RPGRIP1: variants seen among roughly 807,000 people sequenced by gnomAD.
The protein encoded by RPGRIP1 is RPGR interacting protein 1.
A neutral mutation model predicts 157.9 loss-of-function variants in RPGRIP1; 128 were observed. The observed-to-expected ratio is 0.81, with a 90% CI of 0.70 to 0.94. The LOEUF is 0.94. Among genes scored for constraint, RPGRIP1 ranks in the 40% least tolerant of loss-of-function variants. The probability of loss-of-function intolerance (pLI) is 0.00; values close to 1 mark genes in which losing one functional copy is unlikely to be tolerated. For synonymous variants in RPGRIP1, 554 were observed against 571.6 expected (o/e 0.97, Z 0.44); for missense variants, 1,486 against 1,545.8 (o/e 0.96, Z 0.65).
chr14:21,348,095 G>T lies in RPGRIP1; in HGVS notation c.3618-77G>T. 2.5e-6 allele frequency: 3 copies of T among 1,201,090 alleles called. No homozygotes were observed. In the South Asian group the frequency reaches 5.2e-5, roughly 21 times the overall value. The allele number at this position is 1,201,090 out of a possible 1,614,324, so 74.4% of individuals were successfully genotyped here. On this transcript the variant is annotated intron_variant, in intron 23 of 24. Transcript: ENST00000400017. ...TCAGAGAAGACGTTGTATTGTTTAT[G>T]ATTACTTTTATCCTTATTTTATTTT...
At chr14:21,317,908 A>T (rs556733822) in intron 11 of RPGRIP1, 58 bp downstream of exon 11, 1 of 1,440,786 alleles carries the variant, frequency 6.9e-7, no homozygotes, top group East Asian at 2.4e-5. Flanking sequence ...CTGGTTTGGG[A>T]GAAGATAACT....
At chr14:21,325,810 C>T in intron 16 of RPGRIP1, 21 bp from the exon 17 acceptor site, 7 of 1,585,092 alleles carry the variant, frequency 4.4e-6, no homozygotes, top group Middle Eastern at 3.4e-4. Context: ...TTTCCTCAAT[C>T]CATGACCAAC....
intron 10 of RPGRIP1, among the ~76,000 whole-genome samples, chr14:21,313,316 A>C: frequency 6.6e-6 from 1 of 150,556 alleles, no homozygotes; most frequent in East Asian, 1.9e-4. Flanking sequence ...TGTCTGGGCA[A>C]TATAGTGAGA....
At chr14:21,292,256 G>A (rs944095678) in intron 2 of RPGRIP1, among the ~76,000 whole-genome samples, 6 of 151,688 alleles carry the variant, frequency 4.0e-5, no homozygotes, top group Non-Finnish European at 8.8e-5. Flanking sequence ...TTTCTTCCTA[G>A]TGACCTTACC....
intron 16 of RPGRIP1, 36 bp downstream of exon 16, chr14:21,325,419 G>T (rs771965355): frequency 3.2e-6 from 5 of 1,548,546 alleles, no homozygotes; most frequent in Middle Eastern, 1.8e-4. Flanking sequence ...TCTCAGAGGA[G>T]CCTCAGCCAA....
Position 21,307,805 on chromosome 14 carries a change from T to C in RPGRIP1, c.875T>C (p.Met292Thr). ...LLHERNASLV[M>T]TKAQLTEVQE... is the part of the protein sequence containing the mutation. ...CATGAAAGAAATGCTTCATTGGTTA[T>C]GACAAAAGCACAATTAACAGAAGTT... Residue 292 changes from methionine to threonine, a missense_variant, in exon 7 of 25, where the codon ATG (methionine) becomes ACG (threonine). Transcript: ENST00000400017. The C allele has an allele frequency of 1.3e-6, 2 of 1,566,082 alleles. No homozygotes were observed. The highest frequency in any genetic ancestry group is 1.7e-6 in the Non-Finnish European group (2 of 1,155,630).
Position 21,324,705 on chromosome 14 carries a change from A to G in RPGRIP1, c.1850A>G (p.Asp617Gly). Residue 617 changes from aspartate to glycine, a missense_variant, in exon 15 of 25, where the codon GAT becomes GGT. Physicochemically the swap from Asp to Gly is moderately conservative, Grantham distance 94 (BLOSUM62 -1). Transcript: ENST00000400017. Reference protein sequence around the residue: ...LPAHGDEDKVDISLLHQGENL... With the variant: ...LPAHGDEDKVGISLLHQGENL... ...GCCCATGGAGATGAGGATAAAGTGG[A>G]TATTTCTCTGCTGCATCAGGGTGAG... is the stretch of plus-strand genomic sequence containing the variant. 4 of 1,614,058 alleles carry G rather than the reference A, an allele frequency of 2.5e-6. No homozygotes were observed. The highest frequency in any genetic ancestry group is 1.7e-5 in the Admixed American group (1 of 60,018).
intron 20 of RPGRIP1, among the ~76,000 whole-genome samples, chr14:21,333,051 G>A (rs1233497502): frequency 2.6e-5 from 4 of 152,178 alleles, no homozygotes; most frequent in Non-Finnish European, 2.9e-5. Flanking sequence ...AGTGAGCTGA[G>A]ACCATGCCAT....
chr14:21,307,648 T>A (rs1047087554), intron 6 of RPGRIP1, 83 bp from the exon 7 acceptor site: 2 of 855,096 alleles, frequency 2.3e-6, no homozygotes, highest in Admixed American at 4.4e-5. Context: ...GAGGGAGGTA[T>A]TCTTACTAGG....
chr14:21,297,857 C>CTTTCTTTCTTTCTT lies in RPGRIP1; in HGVS notation c.218+3050_218+3063dup, dbSNP rs1880857464. 2.7e-5 allele frequency among the ~76,000 whole-genome samples: 4 copies of CTTTCTTTCTTTCTT among 149,932 alleles called. No homozygotes were observed. The South Asian group carries it at 8.5e-4, about 32-fold the overall frequency. ...TTATTCTTTCTTTCTTTCTTTCTTT[C>CTTTCTTTCTTTCTT]TTTCTTTCTTTCTTTCTTTCTTTTT... On this transcript the variant is annotated intron_variant, in intron 3 of 24. Transcript: ENST00000400017.
chr14:21,349,665 A>G (rs1342530875), intron 24 of RPGRIP1, among the ~76,000 whole-genome samples: 2 of 151,924 alleles, frequency 1.3e-5, no homozygotes, highest in Non-Finnish European at 1.5e-5. Context: ...CAGCCTCCCA[A>G]AGTGCTGGGA....
chr14:21,300,879 G>C (rs1357817422), intron 3 of RPGRIP1, 87 bp from the exon 4 acceptor site: 1 of 1,440,484 alleles, frequency 6.9e-7, no homozygotes, highest in African/African-American at 1.4e-5. Context: ...ACATATTATA[G>C]ATCAATTCGT....
chr14:21,325,728 G>C, intron 16 of RPGRIP1, 103 bp from the exon 17 acceptor site: 2 of 851,354 alleles, frequency 2.3e-6, no homozygotes, highest in South Asian at 3.7e-5. Flanking sequence ...AGTTGGGATA[G>C]CTGTTCTCTA....
At chr14:21,322,490 T>A (rs1882611903) in intron 14 of RPGRIP1, among the ~76,000 whole-genome samples, 1 of 152,066 alleles carries the variant, frequency 6.6e-6, no homozygotes, top group South Asian at 2.1e-4. Flanking sequence ...TGTTAGCAGC[T>A]TCTTTCCCTC....
At chr14:21,346,324 C>A (rs917699595) in intron 23 of RPGRIP1, among the ~76,000 whole-genome samples, 2 of 152,038 alleles carry the variant, frequency 1.3e-5, no homozygotes, top group Non-Finnish European at 2.9e-5. Context: ...CTGAGGCGGG[C>A]AGATCACTTG....
intron 1 of RPGRIP1, among the ~76,000 whole-genome samples, chr14:21,286,091 G>C (rs1478323555): frequency 6.6e-6 from 1 of 152,052 alleles, no homozygotes; most frequent in Non-Finnish European, 1.5e-5. Context: ...CCAGGTTCAA[G>C]CAATTCTCCT....
chr14:21,298,696 C>T (rs1880896842), intron 3 of RPGRIP1, among the ~76,000 whole-genome samples: 2 of 151,880 alleles, frequency 1.3e-5, no homozygotes, highest in Non-Finnish European at 2.9e-5. Context: ...AATTCCAGTA[C>T]TTTGGGAAGC....
intron 23 of RPGRIP1, among the ~76,000 whole-genome samples, chr14:21,346,404 C>T (rs1434008992): frequency 6.6e-6 from 1 of 152,000 alleles, no homozygotes; most frequent in Non-Finnish European, 1.5e-5. Flanking sequence ...ACAAAAAAAT[C>T]AGCTAGGCAT....
Position 21,321,261 on chromosome 14 carries a change from A to G in RPGRIP1, c.1470A>G (p.Pro490=), listed in dbSNP as rs374411851. 8 of 1,612,676 alleles carry G rather than the reference A, an allele frequency of 5.0e-6. No individual in the cohort carries two copies. The African/African-American group carries it at 1.1e-4, about 22-fold the overall frequency. The change falls in exon 13 of 25, where the codon CCA becomes CCG. Residue 490 remains proline (P), a splice_region_variant and synonymous_variant. Transcript: ENST00000400017. ...AVLQENTQIE[P]SEPKNQEEKK... is the part of the protein sequence containing the mutation. Reference sequence around the variant, plus strand: ...TACCAATGCGTTTCCCTCTACAGCCAAGTGAACCCAAAAACCAAGAAGAAA... The same window carrying G: ...TACCAATGCGTTTCCCTCTACAGCCGAGTGAACCCAAAAACCAAGAAGAAA...
Sources: allele counts gnomAD v4.1 joint callset (sites outside exome capture counted in the v4.1 genomes callset), GRCh38; gene constraint gnomAD v4.1.1; transcripts MANE v1.5; gene names NCBI Gene and HGNC (gene_info 2026-07-23, HGNC 2026-07-21).